Variants in ZNF676 observed in about 807,000 individuals in gnomAD.
The protein encoded by ZNF676 is zinc finger protein 676.
Under a neutral mutation model 6.0 loss-of-function variants are expected in ZNF676, and 4 were observed. That is an observed-to-expected ratio of 0.67 (90% CI 0.33 to 1.53). ZNF676 has a LOEUF of 1.53. ZNF676 is among the 40% of genes most tolerant of loss of function. ZNF676 has a pLI of 0.06. For synonymous variants in ZNF676, 198 were observed against 223.1 expected (o/e 0.89, Z 1.00); for missense variants, 644 against 679.7 (o/e 0.95, Z 0.58).
upstream of ZNF676, among the ~76,000 whole-genome samples, chr19:22,219,033 ATTT>A (rs34819381): frequency 4.7e-4 from 56 of 119,702 alleles, no homozygotes; most frequent in African/African-American, 1.6e-3. Context: ...TAGTTTTAGG[ATTT>A]TTTTTTTTTT....
chr19:22,238,744 G>C, the ZNF676 span, among the ~76,000 whole-genome samples: 4 of 152,128 alleles, frequency 2.6e-5, no homozygotes, highest in East Asian at 7.7e-4. Flanking sequence ...ATCAAGGAGA[G>C]CCACTCCAAG....
chr19:22,189,108 C>T (rs2023872963), intron 2 of ZNF676, among the ~76,000 whole-genome samples: 1 of 152,048 alleles, frequency 6.6e-6, no homozygotes, highest in Non-Finnish European at 1.5e-5. Context: ...TCAAATTATA[C>T]TACAAGGCTA....
chr19:22,202,468 G>T (rs1017937575), intron 1 of ZNF676, among the ~76,000 whole-genome samples: 1 of 152,044 alleles, frequency 6.6e-6, no homozygotes, highest in Non-Finnish European at 1.5e-5. Flanking sequence ...AGTGGAAAAG[G>T]CCCATCTATA....
chr19:22,208,901 AC>A (rs780441589), intron 1 of ZNF676, among the ~76,000 whole-genome samples: 48 of 152,302 alleles, frequency 3.2e-4, no homozygotes, highest in Non-Finnish European at 6.3e-4. Flanking sequence ...AGATCACACC[AC>A]TGCACTGCAG....
the ZNF676 span, among the ~76,000 whole-genome samples, chr19:22,233,093 C>T: frequency 1.3e-5 from 2 of 152,080 alleles, no homozygotes; most frequent in African/African-American, 4.8e-5. Context: ...AAAATGTAGA[C>T]TAATAAAAAT....
chr19:22,259,054 C>A, the ZNF676 span, among the ~76,000 whole-genome samples: 1 of 128,362 alleles, frequency 7.8e-6, no homozygotes, highest in Non-Finnish European at 1.8e-5. Context: ...TGAGAGTCAC[C>A]AACTCATCCT....
chr19:22,192,637 T>A (rs867286939), intron 2 of ZNF676, among the ~76,000 whole-genome samples: 30 of 152,156 alleles, frequency 2.0e-4, no homozygotes, highest in Middle Eastern at 3.4e-3. Flanking sequence ...ACCACTACTC[T>A]CACACACTTC....
At position 22,187,839 on chromosome 19, in the gene ZNF676, A is replaced by G. The variant is rs192375446; in HGVS notation, c.130+5177T>C. Among the ~76,000 whole-genome samples, 234 of 152,282 alleles carry G rather than the reference A, an allele frequency of 1.5e-3. 1 individual carries two copies. The highest frequency in any genetic ancestry group is 5.2e-3 in the African/African-American group (217 of 41,554). On this transcript the variant is annotated intron_variant, in intron 2 of 2. Transcript: ENST00000397121. ...AATCAGGAAGAAGTCAAATCCCTGC[A>G]TAGACCAATAACAAGTTCTGAAATT...
rs2023971392 is a variant in ZNF676 at position 22,196,725 on chromosome 19, C to T, written c.-92G>A. 4 of 1,603,384 alleles carry T rather than the reference C, an allele frequency of 2.5e-6. No individual in the cohort carries two copies. The highest frequency in any genetic ancestry group is 1.7e-4 in the Middle Eastern group (1 of 6,038). The stretch of plus-strand genomic sequence containing the variant: ...GGCCACATCCCTAAATGTCAATGCT[C>T]CCTGGAAAACACACACAAACACATA... On this transcript the variant is annotated 5_prime_UTR_variant, in exon 1 of 3. Coordinates refer to ENST00000397121, the MANE Select transcript of ZNF676 (RefSeq NM_001001411.3).
At chr19:22,200,426 C>G (rs1453068014), upstream of ZNF676, among the ~76,000 whole-genome samples, 1 of 151,744 alleles carries the variant, frequency 6.6e-6, no homozygotes, top group Non-Finnish European at 1.5e-5. Context: ...TTTATTGTAC[C>G]CACCATATGA....
upstream of ZNF676, among the ~76,000 whole-genome samples, chr19:22,219,345 T>A (rs557115513): frequency 3.1e-4 from 47 of 151,964 alleles, no homozygotes; most frequent in Non-Finnish European, 6.6e-4. Flanking sequence ...GTGATCCACC[T>A]GCCTCCATGT....
chr19:22,212,302 G>A (rs1397982722), intron 1 of ZNF676, among the ~76,000 whole-genome samples: 1 of 151,818 alleles, frequency 6.6e-6, no homozygotes, highest in Non-Finnish European at 1.5e-5. Flanking sequence ...TTCAACAAAT[G>A]AAATATATAA....
At chr19:22,193,192 T>G in intron 1 of ZNF676, 81 bp from the exon 2 acceptor site, 1 of 1,354,116 alleles carries the variant, frequency 7.4e-7, no homozygotes, top group African/African-American at 1.5e-5. Context: ...GTAAAGAGGA[T>G]GTAATAGAAT....
the ZNF676 span, among the ~76,000 whole-genome samples, chr19:22,221,748 C>A: frequency 8.9e-5 from 13 of 146,280 alleles, no homozygotes; most frequent in Non-Finnish European, 7.6e-5. Flanking sequence ...AAGACTGTCA[C>A]AAAAAAAAAA....
At chr19:22,238,459 G>T in the ZNF676 span, among the ~76,000 whole-genome samples, 18 of 152,112 alleles carry the variant, frequency 1.2e-4, 1 homozygote, top group South Asian at 4.2e-4. Context: ...TCATCCCTAG[G>T]ACTATCAGTG....
the ZNF676 span, among the ~76,000 whole-genome samples, chr19:22,232,082 A>T: frequency 6.6e-6 from 1 of 152,188 alleles, no homozygotes; most frequent in South Asian, 2.1e-4. Flanking sequence ...ATCTCACATT[A>T]GGCTTGCAAA....
chr19:22,257,113 G>C, the ZNF676 span, among the ~76,000 whole-genome samples: 5 of 152,124 alleles, frequency 3.3e-5, no homozygotes, highest in African/African-American at 1.2e-4. Flanking sequence ...GGAATATGTT[G>C]CAATCTTCCT....
chr19:22,215,773 G>A (rs2024178687), exon 1 of ZNF676: 14 of 1,084,812 alleles, frequency 1.3e-5, no homozygotes, highest in Non-Finnish European at 1.7e-5. Flanking sequence ...ACAAAGGACC[G>A]ACCACATCCC....
chr19:22,256,757 T>C, the ZNF676 span, among the ~76,000 whole-genome samples: 11 of 152,002 alleles, frequency 7.2e-5, no homozygotes, highest in East Asian at 1.2e-3. Context: ...AATCCCCTTT[T>C]ATTGGCAGGG....
Sources: gnomAD v4.1 joint callset for allele counts (sites outside exome capture counted in the v4.1 genomes callset) on GRCh38, gnomAD v4.1.1 for gene constraint, MANE v1.5 for transcripts, NCBI Gene and HGNC (gene_info 2026-07-23, HGNC 2026-07-21) for gene names.